Variants in SAMD4A observed in about 807,000 individuals in gnomAD.
The protein encoded by SAMD4A is sterile alpha motif domain containing 4A.
In SAMD4A, 33 loss-of-function variants were observed where a neutral mutation model predicts 81.3. The ratio of observed to expected loss-of-function variants is 0.41; its 90% CI spans 0.31 to 0.54. SAMD4A has a LOEUF of 0.54. SAMD4A is among the 20% of genes least tolerant of loss of function. The pLI is 0.37. For missense variants in SAMD4A, 854 were observed against 951.1 expected (o/e 0.90, Z 1.34); for synonymous variants, 389 against 382.1 (o/e 1.02, Z -0.21).
At chr14:54,703,937 A>G (rs150781172) in intron 3 of SAMD4A, 14 of 152,322 alleles carry the variant, frequency 9.2e-5, no homozygotes, top group African/African-American at 3.1e-4. Context: ...ATCTTTGGTT[A>G]CCAGGACTCT....
At chr14:54,660,776 A>C (rs1290580585) in intron 2 of SAMD4A, among the ~76,000 whole-genome samples, 2 of 152,214 alleles carry the variant, frequency 1.3e-5, no homozygotes, top group Non-Finnish European at 2.9e-5. Context: ...ACAAAGTGAG[A>C]TCCGTGCATA....
intron 2 of SAMD4A, among the ~76,000 whole-genome samples, chr14:54,649,147 A>G (rs1483436841): frequency 6.6e-6 from 1 of 152,234 alleles, no homozygotes; most frequent in African/African-American, 2.4e-5. Flanking sequence ...CATAAGCTAG[A>G]CATGCCCGTT....
intron 6 of SAMD4A, among the ~76,000 whole-genome samples, chr14:54,758,851 C>T (rs2038315686): frequency 6.6e-6 from 1 of 151,982 alleles, no homozygotes; most frequent in African/African-American, 2.4e-5. Flanking sequence ...AAATTAAATA[C>T]TTCATCAGTG....
chr14:54,652,123 A>G (rs1454915862), intron 2 of SAMD4A, among the ~76,000 whole-genome samples: 1 of 152,230 alleles, frequency 6.6e-6, no homozygotes, highest in Non-Finnish European at 1.5e-5. Flanking sequence ...TTTAGGATCT[A>G]TCTACATCCA....
chr14:54,690,015 A>C (rs1334573912), intron 2 of SAMD4A: 1 of 152,276 alleles, frequency 6.6e-6, no homozygotes, highest in South Asian at 2.1e-4. Flanking sequence ...GTGCCATGTC[A>C]TCAGCCATAA....
At chr14:54,621,633 A>T (rs1210120397) in intron 2 of SAMD4A, among the ~76,000 whole-genome samples, 4 of 88,720 alleles carry the variant, frequency 4.5e-5, no homozygotes, top group Non-Finnish European at 9.4e-5. Flanking sequence ...CAGTGCTGGG[A>T]TTATAGCCGT....
intron 2 of SAMD4A, among the ~76,000 whole-genome samples, chr14:54,655,046 A>G (rs2035488529): frequency 6.6e-6 from 1 of 152,230 alleles, no homozygotes; most frequent in Admixed American, 6.5e-5. Flanking sequence ...ATCGGAGACT[A>G]GGATCTTAGC....
intron 3 of SAMD4A, among the ~76,000 whole-genome samples, chr14:54,709,631 A>G (rs2036941121): frequency 6.6e-6 from 1 of 152,152 alleles, no homozygotes; most frequent in Non-Finnish European, 1.5e-5. Flanking sequence ...AGGCCACTCA[A>G]GGGTATGCTG....
chr14:54,744,010 C>T (rs78426294), intron 4 of SAMD4A, among the ~76,000 whole-genome samples: 1 of 152,310 alleles, frequency 6.6e-6, no homozygotes, highest in Admixed American at 6.5e-5. Flanking sequence ...TTCCTCTTCT[C>T]CCCCTCAGAG....
In SAMD4A at chr14:54,696,001, A is replaced by G. The variant is rs538794087; in HGVS notation, c.197-6061A>G. The stretch of plus-strand genomic sequence containing the variant: ...AAAAGAAAATAGGGGGAGGGTTTAT[A>G]TCTTTTCAATCCTTTGTACCTTTTC... On this transcript the variant is annotated intron_variant, in intron 2 of 12. Transcript: ENST00000554335. 5.9e-5 allele frequency among the ~76,000 whole-genome samples: 9 copies of G among 151,814 alleles called. No individual in the cohort carries two copies. In the South Asian group the frequency reaches 1.7e-3, roughly 28 times the overall value.
rs920288794 is a variant in SAMD4A, at chr14:54,608,788, A to G, written c.196+40676A>G. 2.0e-5 allele frequency among the ~76,000 whole-genome samples: 3 copies of G among 152,246 alleles called. No individual in the cohort carries two copies. In the East Asian group the frequency reaches 5.8e-4, roughly 29 times the overall value. ...AGAATATAAAAAGAATCGTAGATATAGAGGTGGAAGGGACAAAAGAAGAAG... is the reference window on the plus strand; with the variant it reads ...AGAATATAAAAAGAATCGTAGATATGGAGGTGGAAGGGACAAAAGAAGAAG... On this transcript the variant is annotated intron_variant, in intron 2 of 12. Transcript: ENST00000554335.
In SAMD4A at chr14:54,760,204, T is replaced by A; in HGVS notation, c.1220T>A (p.Leu407Gln). The change falls in exon 7 of 13, where the codon CTG becomes CAG. Residue 407 changes from leucine (L) to glutamine (Q), a missense_variant. By Grantham distance (113) the Leu-to-Gln change is moderately radical. This residue lies in a region of SAMD4A where 428 missense variants were observed against 471.2 expected (regional missense o/e 0.91). Coordinates refer to ENST00000554335, the MANE Select transcript of SAMD4A (RefSeq NM_015589.6). ...AGCCTGCGCATCCCGCTCCAGGAAC[T>A]GCACCAGATGATCCTGACTCCGATC... ...GGSLRIPLQE[L>Q]HQMILTPIKA... 1 of 1,613,356 alleles carries A rather than the reference T, an allele frequency of 6.2e-7. No individual in the cohort carries two copies. Among genetic ancestry groups the A allele is most frequent in the Non-Finnish European group, 8.5e-7 (1 of 1,179,910 alleles).
intron 12 of SAMD4A, among the ~76,000 whole-genome samples, chr14:54,786,672 T>A (rs1324566250): frequency 6.6e-6 from 1 of 152,240 alleles, no homozygotes; most frequent in Non-Finnish European, 1.5e-5. Flanking sequence ...CCCCCAGGGC[T>A]TGATACATCT....
At chr14:54,701,961 T>C in intron 2 of SAMD4A, 101 bp from the exon 3 acceptor site, 4 of 1,279,220 alleles carry the variant, frequency 3.1e-6, no homozygotes, top group South Asian at 2.9e-5. Context: ...AGCCAGACTA[T>C]GTAGATTGGG....
intron 2 of SAMD4A, among the ~76,000 whole-genome samples, chr14:54,653,497 G>A (rs928489886): frequency 6.6e-6 from 1 of 151,490 alleles, no homozygotes; most frequent in Non-Finnish European, 1.5e-5. Context: ...GCGCCCTGAC[G>A]CCCAGATAAT....
intron 7 of SAMD4A, among the ~76,000 whole-genome samples, chr14:54,763,207 C>G (rs2139874249): frequency 8.2e-6 from 1 of 122,550 alleles, no homozygotes; most frequent in Admixed American, 7.9e-5. Context: ...TTTCTACAGG[C>G]TGGTGGGTTT....
chr14:54,623,889 G>A (rs984020895), intron 2 of SAMD4A, among the ~76,000 whole-genome samples: 1 of 152,192 alleles, frequency 6.6e-6, no homozygotes, highest in African/African-American at 2.4e-5. Context: ...GAGAAGAATG[G>A]TTCTGTTTTC....
At chr14:54,658,852 A>T (rs1468242108) in intron 2 of SAMD4A, among the ~76,000 whole-genome samples, 3 of 152,240 alleles carry the variant, frequency 2.0e-5, no homozygotes, top group African/African-American at 7.2e-5. Context: ...ACTCATTAGA[A>T]GTCAGGCTGA....
At chr14:54,590,562 T>G (rs1198951005) in intron 2 of SAMD4A, among the ~76,000 whole-genome samples, 2 of 152,214 alleles carry the variant, frequency 1.3e-5, no homozygotes, top group Non-Finnish European at 2.9e-5. Context: ...GGCAGCTTTA[T>G]CTTCCCTTTT....
Sources: gnomAD v4.1 joint callset for allele counts (sites outside exome capture counted in the v4.1 genomes callset) on GRCh38, gnomAD v4.1.1 for gene constraint, gnomAD v4.1.1 regional missense constraint, MANE v1.5 for transcripts, NCBI Gene and HGNC (gene_info 2026-07-23, HGNC 2026-07-21) for gene names.